The following CTNND1 variants were observed in gnomAD, a reference collection of about 807,000 sequenced individuals.
CTNND1 encodes the protein catenin delta 1, also known as catenin delta-1.
A neutral mutation model predicts 112.1 loss-of-function variants in CTNND1; 16 were observed. The observed-to-expected ratio is 0.14, with a 90% CI of 0.10 to 0.22. CTNND1 has a LOEUF of 0.22. Ranked by LOEUF, CTNND1 falls within the 10% of genes least tolerant of loss-of-function variation. The probability of loss-of-function intolerance (pLI) is 1.00; values close to 1 mark genes in which losing one functional copy is unlikely to be tolerated. For missense variants in CTNND1, 1,008 were observed against 1,257.0 expected, an observed-to-expected ratio of 0.80 and a Z score of 3.00; for synonymous variants, 420 against 446.5, an observed-to-expected ratio of 0.94 and a Z score of 0.75.
chr11:57,790,152 G>T (rs1015006089), intron 2 of CTNND1, among the ~76,000 whole-genome samples: 2 of 152,050 alleles, frequency 1.3e-5, no homozygotes, highest in African/African-American at 2.4e-5. Context: ...TGCCATCTCG[G>T]CTCACTACAC....
chr11:57,809,234 G>T, intron 14 of CTNND1, 40 bp from the exon 15 acceptor site: 1 of 1,500,928 alleles, frequency 6.7e-7, no homozygotes, highest in South Asian at 1.2e-5. Flanking sequence ...TTCATGACCT[G>T]ACTTGATCTT....
rs546004794 is a variant in CTNND1 at position 57,799,012 on chromosome 11, A to G, written c.956+2020A>G. On this transcript the variant is annotated intron_variant, in intron 6 of 20. Transcript: ENST00000399050. ...CTAGCAGCTGTTGCTGAATTTCTCT[A>G]TATGGGGTCATGACCTTTTAAAGCA... 3.3e-5 allele frequency among the ~76,000 whole-genome samples: 5 copies of G among 152,330 alleles called. No homozygotes were observed. In the South Asian group the frequency reaches 8.3e-4, roughly 25 times the overall value.
intron 3 of CTNND1, among the ~76,000 whole-genome samples, 195 bp downstream of exon 3, chr11:57,791,868 T>A (rs867164770): frequency 9.2e-5 from 14 of 152,230 alleles, no homozygotes; most frequent in African/African-American, 3.1e-4. Context: ...TGGGTGCAGT[T>A]ACTATCTCTA....
intron 18 of CTNND1, 31 bp downstream of exon 18, chr11:57,814,404 G>T (rs776190076): frequency 1.3e-6 from 2 of 1,549,532 alleles, no homozygotes; most frequent in Admixed American, 3.5e-5. Context: ...TAAGGATGTG[G>T]AGTAATATTT....
intron 1 of CTNND1, among the ~76,000 whole-genome samples, chr11:57,787,756 T>C (rs1173472092): frequency 6.6e-6 from 1 of 152,226 alleles, no homozygotes. Flanking sequence ...TCCCCATGCT[T>C]TTAGACCTAG....
chr11:57,776,874 T>A (rs1440704974), intron 1 of CTNND1, among the ~76,000 whole-genome samples: 1 of 152,198 alleles, frequency 6.6e-6, no homozygotes, highest in Non-Finnish European at 1.5e-5. Context: ...TTCAGTTCTC[T>A]GTCTGGGGTG....
chr11:57,795,714 G>A lies in CTNND1; in HGVS notation c.405G>A (p.Arg135=). 1 of 1,598,690 alleles carries A rather than the reference G, an allele frequency of 6.3e-7. No individual in the cohort carries two copies. The highest frequency in any genetic ancestry group is 8.5e-7 in the Non-Finnish European group (1 of 1,175,184). The change falls in exon 5 of 21, where the codon CGG becomes CGA. Residue 135 remains arginine (R), a synonymous_variant. Transcript: ENST00000399050. ...SVETSDDGTT[R]RTETTVKKVV... ...AGACCTCAGATGATGGGACCACTCG[G>A]CGCACAGAGACCACGGTAAACTAAG...
At chr11:57,789,217 T>G (rs2060437848) in intron 2 of CTNND1, 62 bp downstream of exon 2, 2 of 1,190,536 alleles carry the variant, frequency 1.7e-6, no homozygotes, top group Non-Finnish European at 2.3e-6. Flanking sequence ...ATATGTATTT[T>G]TATTCCTTTC....
chr11:57,804,604 G>T lies in CTNND1; in HGVS notation c.1605-59G>T, dbSNP rs149004167. On this transcript the variant is annotated intron_variant, in intron 8 of 20. Transcript: ENST00000399050. ...TTCAGGAATCTTGTAGGTGTTGAGG[G>T]ATATTTAAGGGAGGATTTCTGGATT... 5.2e-4 allele frequency: 661 copies of T among 1,266,750 alleles called. 7 individuals are homozygous for T. In the African/African-American group the frequency reaches 8.7e-3, roughly 17 times the overall value. 78.5% of individuals were successfully genotyped at this position (1,266,750 alleles called of 1,614,324 possible). A position where few individuals can be genotyped will look rare whatever the true frequency, so the allele number is the denominator to read the frequency against.
In CTNND1 at chr11:57,791,571, G is replaced by A; in HGVS notation, c.93G>A (p.Glu31=). 6.2e-7 allele frequency: 1 copy of A among 1,611,326 alleles called. No individual in the cohort carries two copies. Among genetic ancestry groups the A allele is most frequent in the Admixed American group, 1.7e-5 (1 of 59,470 alleles). The change falls in exon 3 of 21, where the codon GAG becomes GAA. Residue 31 remains glutamate (E), a synonymous_variant. Transcript: ENST00000399050. ...AQFEKLTRAL[E]EERRHVSAQL... is the part of the protein sequence containing the mutation. ...TTGAGAAGCTGACCCGGGCGCTGGA[G>A]GAGGAACGGCGCCACGTCTCGGCGC...
intron 1 of CTNND1, among the ~76,000 whole-genome samples, chr11:57,779,261 G>A (rs1175330435): frequency 6.6e-6 from 1 of 152,156 alleles, no homozygotes; most frequent in Admixed American, 6.5e-5. Context: ...AGTATTAAGA[G>A]TTACTAGCAA....
intron 18 of CTNND1, 88 bp downstream of exon 18, chr11:57,814,461 C>A (rs1565383952): frequency 1.1e-6 from 1 of 940,544 alleles, no homozygotes; most frequent in South Asian, 1.5e-5. Flanking sequence ...TTTTCTAATA[C>A]CCTTACCATT....
chr11:57,794,833 T>A (rs1263502268), intron 4 of CTNND1, among the ~76,000 whole-genome samples: 2 of 146,746 alleles, frequency 1.4e-5, no homozygotes, highest in Non-Finnish European at 3.0e-5. Flanking sequence ...CGGTGTCTCA[T>A]GCCTGTAATC....
At chr11:57,762,995 A>G (rs961168620) in intron 1 of CTNND1, among the ~76,000 whole-genome samples, 3 of 152,234 alleles carry the variant, frequency 2.0e-5, no homozygotes, top group Non-Finnish European at 2.9e-5. Flanking sequence ...CCATTTATAC[A>G]AAGTTTAGTG....
At chr11:57,804,230 T>G (rs2137209770) in intron 8 of CTNND1, among the ~76,000 whole-genome samples, 1 of 152,318 alleles carries the variant, frequency 6.6e-6, no homozygotes, top group East Asian at 1.9e-4. Flanking sequence ...GGTCTGTTCT[T>G]TCTGTGATGC....
Position 57,815,514 on chromosome 11 carries a change from A to T in CTNND1, c.2808+14A>T. On this transcript the variant is annotated intron_variant, in intron 19 of 20. Coordinates refer to ENST00000399050, the MANE Select transcript of CTNND1 (RefSeq NM_001085458.2). The stretch of plus-strand genomic sequence containing the variant: ...ACACCCTTGATGGTAAATTCTCTTT[A>T]TATACTGCTATCTGTCTAAGGCTAG... 1.3e-6 allele frequency: 2 copies of T among 1,555,776 alleles called. No individual in the cohort carries two copies. The highest frequency in any genetic ancestry group is 2.2e-5 in the South Asian group (2 of 89,568).
rs1328440992 is a variant in CTNND1 at position 57,798,329 on chromosome 11, A to G, written c.956+1337A>G. 4.2e-5 allele frequency among the ~76,000 whole-genome samples: 6 copies of G among 142,282 alleles called. No individual in the cohort carries two copies. In the Admixed American group the frequency reaches 4.4e-4, roughly 10 times the overall value. The allele number at this position is 142,282 out of a possible 152,430, so 93.3% of individuals were successfully genotyped here. On this transcript the variant is annotated intron_variant, in intron 6 of 20. Coordinates refer to ENST00000399050, the MANE Select transcript of CTNND1 (RefSeq NM_001085458.2). ...GCCACTGCACTCCAGCCTGGGTGAC[A>G]TAGTGAGACTGTCTCAAAAAAAAAA... is the stretch of plus-strand genomic sequence containing the variant.
intron 8 of CTNND1, 86 bp from the exon 9 acceptor site, chr11:57,804,575 CAT>C: frequency 1.0e-6 from 1 of 977,508 alleles, no homozygotes; most frequent in Non-Finnish European, 1.6e-6. Flanking sequence ...AGTAGAAAAA[CAT>C]ATTCAGGAAT....
chr11:57,795,548 G>C (rs747155752), intron 4 of CTNND1, 29 bp from the exon 5 acceptor site: 5 of 1,593,452 alleles, frequency 3.1e-6, no homozygotes, highest in African/African-American at 2.7e-5. Flanking sequence ...CTTAATAGTA[G>C]TTTCTTCTCT....
Sources: allele counts gnomAD v4.1 joint callset (sites outside exome capture counted in the v4.1 genomes callset), GRCh38; gene constraint gnomAD v4.1.1; transcripts MANE v1.5; gene names NCBI Gene and HGNC (gene_info 2026-07-23, HGNC 2026-07-21).